The following IL22RA1 variants were observed in gnomAD, a reference collection of about 807,000 sequenced individuals.
The protein encoded by IL22RA1 is interleukin 22 receptor subunit alpha 1, also known as interleukin-22 receptor subunit alpha-1.
A neutral mutation model predicts 32.8 loss-of-function variants in IL22RA1; 25 were observed. The ratio of observed to expected loss-of-function variants is 0.76; its 90% CI spans 0.55 to 1.06. The LOEUF (loss-of-function observed/expected upper bound fraction) is 1.06. IL22RA1 is among the 50% of genes least tolerant of loss of function. IL22RA1 has a pLI of 0.00. For synonymous variants in IL22RA1, 305 were observed against 305.0 expected (o/e 1.00, Z 0.00); for missense variants, 709 against 727.4 (o/e 0.97, Z 0.29).
At chr1:24,140,564 C>T (rs1335558742) in intron 1 of IL22RA1, among the ~76,000 whole-genome samples, 1 of 152,180 alleles carries the variant, frequency 6.6e-6, no homozygotes, top group African/African-American at 2.4e-5. Context: ...TTTGTCCAGC[C>T]CACTTCTGCT....
chr1:24,121,398 C>A lies in IL22RA1; in HGVS notation c.1132G>T (p.Ala378Ser). The A allele has an allele frequency of 1.9e-6, 3 of 1,556,172 alleles. No individual in the cohort carries two copies. Among genetic ancestry groups the A allele is most frequent in the Non-Finnish European group, 2.6e-6 (3 of 1,149,976 alleles). ...TGGACCTTAGAGATGGCCTGTGGGG[C>A]GTAGAATGGGAATTGAGCTTCGGGG... ...VTPEAQFPFY[A>S]PQAISKVQPS... is the part of the protein sequence containing the mutation. Residue 378 changes from alanine (A) to serine (S), a missense_variant, in exon 7 of 7, where the codon GCC (alanine) becomes TCC (serine). Ala to Ser is a moderately conservative substitution (Grantham distance 99, BLOSUM62 1). Transcript: ENST00000270800.
chr1:24,138,733 A>G lies in IL22RA1; in HGVS notation c.44-19T>C. The stretch of plus-strand genomic sequence containing the variant: ...GCGTGAGCTGCAGGAGGGTGGGAGG[A>G]GGGTGAGCAGGGGCTTTCCCAGGGT... On this transcript the variant is annotated intron_variant, in intron 1 of 6. Transcript: ENST00000270800. The G allele has an allele frequency of 6.2e-7, 1 of 1,611,856 alleles. No individual in the cohort carries two copies. The highest frequency in any genetic ancestry group is 8.5e-7 in the Non-Finnish European group (1 of 1,179,062).
At chr1:24,132,333 G>GTGT (rs1644211024) in intron 4 of IL22RA1, among the ~76,000 whole-genome samples, 1 of 135,268 alleles carries the variant, frequency 7.4e-6, no homozygotes, top group African/African-American at 2.8e-5. Context: ...TTGTGTGTGT[G>GTGT]TTTTTTTTTT....
chr1:24,134,634 C>T (rs1398642107), intron 3 of IL22RA1, among the ~76,000 whole-genome samples: 4 of 152,160 alleles, frequency 2.6e-5, no homozygotes, highest in African/African-American at 9.7e-5. Context: ...GGAGGGGCAC[C>T]AGTCCCCTAG....
Position 24,128,272 on chromosome 1 carries a change from C to G in IL22RA1, c.539G>C (p.Gly180Ala). ...GAACTCATATTCTCTCTGCTTCCCT[C>G]CAAGGTGCTGAATTGGACAGAGAAT... ...QVNRTYQMHL[G>A]GKQREYEFFG... The change falls in exon 5 of 7, where the codon GGA becomes GCA. Residue 180 changes from glycine to alanine, a missense_variant. Physicochemically the swap from Gly to Ala is moderately conservative, Grantham distance 60 (BLOSUM62 0). Transcript: ENST00000270800. The G allele has an allele frequency of 1.2e-6, 2 of 1,613,472 alleles. No homozygotes were observed. The highest frequency in any genetic ancestry group is 8.5e-7 in the Non-Finnish European group (1 of 1,179,734).
rs574308339 is a variant in IL22RA1 at position 24,137,306 on chromosome 1, G to A, written c.180C>T (p.Tyr60=). The A allele has an allele frequency of 1.6e-5, 26 of 1,613,316 alleles. No individual in the cohort carries two copies. Among genetic ancestry groups the A allele is most frequent in the South Asian group, 9.9e-5 (9 of 91,064 alleles). Residue 60 remains tyrosine (Y), a synonymous_variant, in exon 3 of 7, where the codon TAC becomes TAT. Transcript: ENST00000270800. ...DTVYSIEYKT[Y]GERDWVAKKG... is the part of the protein sequence containing the mutation. ...TCTTTGCCACCCAGTCCCTCTCTCC[G>A]TACCTGCAGGTCAGGAAGGGGCCAA...
chr1:24,125,470 G>C (rs1305176858), intron 5 of IL22RA1, among the ~76,000 whole-genome samples: 4 of 152,196 alleles, frequency 2.6e-5, no homozygotes, highest in African/African-American at 9.7e-5. Flanking sequence ...TTTATCTACG[G>C]AGAGGTAGGT....
chr1:24,139,566 C>T (rs1327618785), intron 1 of IL22RA1, among the ~76,000 whole-genome samples: 1 of 152,136 alleles, frequency 6.6e-6, no homozygotes, highest in Non-Finnish European at 1.5e-5. Flanking sequence ...CAGGGTCTTG[C>T]TCTGTCCCCC....
chr1:24,124,398 T>C (rs1199238065), intron 5 of IL22RA1, among the ~76,000 whole-genome samples: 2 of 152,190 alleles, frequency 1.3e-5, no homozygotes, highest in East Asian at 3.9e-4. Context: ...CTCTAGTGCC[T>C]GAGCCTCTCC....
intron 1 of IL22RA1, among the ~76,000 whole-genome samples, chr1:24,140,788 C>T (rs1354241683): frequency 1.3e-5 from 2 of 152,380 alleles, no homozygotes; most frequent in Admixed American, 1.3e-4. Flanking sequence ...CCCTGGCCGG[C>T]TGGCGTGGGA....
chr1:24,126,045 A>G (rs892127986), intron 5 of IL22RA1, among the ~76,000 whole-genome samples: 4 of 152,190 alleles, frequency 2.6e-5, no homozygotes, highest in African/African-American at 7.2e-5. Context: ...TGGTCTTCAC[A>G]TTGTCAAAAA....
rs369279402 is a variant in IL22RA1 at position 24,123,299 on chromosome 1, C to G, written c.792+3G>C. 1 of 1,613,470 alleles carries G rather than the reference C, an allele frequency of 6.2e-7. No homozygotes were observed. Among genetic ancestry groups the G allele is most frequent in the South Asian group, 1.1e-5 (1 of 91,002 alleles). The stretch of plus-strand genomic sequence containing the variant: ...TCCCTCCCACCCTGGGGGGATGGCT[C>G]ACCAGGGAGTTGGGAGGTGCAGGCG... On this transcript the variant is annotated splice_donor_region_variant and intron_variant, in intron 6 of 6. Coordinates refer to ENST00000270800, the MANE Select transcript of IL22RA1 (RefSeq NM_021258.4).
At chr1:24,139,313 T>C (rs1644264671) in intron 1 of IL22RA1, among the ~76,000 whole-genome samples, 1 of 152,242 alleles carries the variant, frequency 6.6e-6, no homozygotes, top group African/African-American at 2.4e-5. Flanking sequence ...CATTGTGTGA[T>C]ATACCACATT....
intron 4 of IL22RA1, among the ~76,000 whole-genome samples, chr1:24,130,863 C>T (rs992855620): frequency 2.0e-5 from 3 of 152,182 alleles, no homozygotes; most frequent in Non-Finnish European, 2.9e-5. Context: ...TGCCACCATG[C>T]CCAGCTGATT....
At chr1:24,140,633 G>T (rs757684198) in intron 1 of IL22RA1, among the ~76,000 whole-genome samples, 104 of 152,112 alleles carry the variant, frequency 6.8e-4, no homozygotes, top group Non-Finnish European at 1.5e-3. Context: ...GGGAGGGGCT[G>T]CAGCCTCTAA....
At chr1:24,138,044 C>A (rs1047192439) in intron 2 of IL22RA1, among the ~76,000 whole-genome samples, 2 of 152,098 alleles carry the variant, frequency 1.3e-5, no homozygotes, top group African/African-American at 2.4e-5. Context: ...GACAACGTGG[C>A]ATGACCAGGA....
intron 3 of IL22RA1, among the ~76,000 whole-genome samples, chr1:24,136,529 G>C (rs771057523): frequency 4.6e-5 from 7 of 152,130 alleles, no homozygotes; most frequent in Non-Finnish European, 5.9e-5. Flanking sequence ...AAGCTGAGCC[G>C]TGAGGACTAT....
At chr1:24,135,926 G>C (rs1259425752) in intron 3 of IL22RA1, among the ~76,000 whole-genome samples, 1 of 152,150 alleles carries the variant, frequency 6.6e-6, no homozygotes, top group Admixed American at 6.5e-5. Context: ...ATCAGCAACT[G>C]CTGTCCACTC....
At chr1:24,121,870 C>G (rs1644126591) in intron 6 of IL22RA1, 133 bp from the exon 7 acceptor site, 1 of 574,488 alleles carries the variant, frequency 1.7e-6, no homozygotes, top group African/African-American at 1.9e-5. Flanking sequence ...TGTCCCATAT[C>G]CCCATCTGCT....
Sources: allele counts gnomAD v4.1 joint callset (sites outside exome capture counted in the v4.1 genomes callset), GRCh38; gene constraint gnomAD v4.1.1; transcripts MANE v1.5; gene names NCBI Gene and HGNC (gene_info 2026-07-23, HGNC 2026-07-21).